The following ATXN1 variants were observed in gnomAD, a reference collection of about 807,000 sequenced individuals.
The protein encoded by ATXN1 is ataxin-1.
Under a neutral mutation model 56.4 loss-of-function variants are expected in ATXN1, and 8 were observed. The ratio of observed to expected loss-of-function variants is 0.14; its 90% CI spans 0.08 to 0.26. The LOEUF (loss-of-function observed/expected upper bound fraction) is 0.26. ATXN1 is among the 10% of genes least tolerant of loss of function. The pLI is 1.00. For missense variants in ATXN1, 987 were observed against 1,106.5 expected, an observed-to-expected ratio of 0.89 and a Z score of 1.53; for synonymous variants, 514 against 494.6, an observed-to-expected ratio of 1.04 and a Z score of -0.52.
At chr6:16,473,197 A>T (rs1024115432) in intron 6 of ATXN1, among the ~76,000 whole-genome samples, 3 of 152,114 alleles carry the variant, frequency 2.0e-5, no homozygotes, top group African/African-American at 7.2e-5. Context: ...CCTCAATTTT[A>T]CCTATAAAAG....
At chr6:16,344,460 G>T (rs923684474) in intron 6 of ATXN1, among the ~76,000 whole-genome samples, 1 of 152,302 alleles carries the variant, frequency 6.6e-6, no homozygotes, top group East Asian at 1.9e-4. Flanking sequence ...TCAGCTGCCA[G>T]TGAGGCTAGA....
At chr6:16,707,468 C>T (rs984714702) in intron 2 of ATXN1, among the ~76,000 whole-genome samples, 1 of 152,202 alleles carries the variant, frequency 6.6e-6, no homozygotes, top group Admixed American at 6.5e-5. Flanking sequence ...GTCTCCTGGA[C>T]TTCTTCAAGA....
rs1335377767 is a variant in ATXN1, at chr6:16,327,112, G to A, written c.1199C>T (p.Ala400Val). The A allele has an allele frequency of 5.6e-6, 9 of 1,613,568 alleles. No homozygotes were observed. Among genetic ancestry groups the A allele is most frequent in the Non-Finnish European group, 7.6e-6 (9 of 1,180,034 alleles). ...AGAAGGGGAGGCTTCACGATGAGTG[G>A]CCTGTTGCACCTCCAGGTCAGCTGC... ...TPAADLEVQQ[A>V]THREASPSTL... is the part of the protein sequence containing the mutation. The change falls in exon 7 of 8, where the codon GCC (alanine) becomes GTC (valine). Residue 400 changes from alanine (A) to valine (V), a missense_variant. Coordinates refer to ENST00000436367, the MANE Select transcript of ATXN1 (RefSeq NM_001128164.2).
intron 6 of ATXN1, among the ~76,000 whole-genome samples, chr6:16,329,566 C>T (rs931971822): frequency 2.8e-4 from 43 of 152,110 alleles, no homozygotes; most frequent in African/African-American, 8.2e-4. Context: ...AAATACCATA[C>T]AAAAATAGGG....
rs564416310 is a variant in ATXN1 at position 16,699,025 on chromosome 6, C to T, written c.-614-41124G>A. Among the ~76,000 whole-genome samples, 212 of 152,308 alleles carry T rather than the reference C, an allele frequency of 1.4e-3. 1 individual carries two copies. The highest frequency in any genetic ancestry group is 4.9e-3 in the African/African-American group (205 of 41,578). On this transcript the variant is annotated intron_variant, in intron 2 of 7. Coordinates refer to ENST00000436367, the MANE Select transcript of ATXN1 (RefSeq NM_001128164.2). ...ATAAACTTTGTCCAGAAATCAGTAT[C>T]TGCTCTTCCAAAGAAAAATAGCCTT...
chr6:16,560,691 A>G (rs1314643425), intron 4 of ATXN1, among the ~76,000 whole-genome samples: 7 of 152,168 alleles, frequency 4.6e-5, no homozygotes, highest in Non-Finnish European at 8.8e-5. Context: ...AGATTCTTGT[A>G]GCAAATCCCT....
At chr6:16,635,334 A>G (rs1763576634) in intron 3 of ATXN1, among the ~76,000 whole-genome samples, 1 of 152,174 alleles carries the variant, frequency 6.6e-6, no homozygotes, top group Admixed American at 6.5e-5. Context: ...TTACAACATA[A>G]TAATATAAAT....
intron 3 of ATXN1, among the ~76,000 whole-genome samples, chr6:16,597,321 C>A (rs1299221312): frequency 6.6e-6 from 1 of 152,236 alleles, no homozygotes; most frequent in Non-Finnish European, 1.5e-5. Context: ...GTGGACCACA[C>A]CTTTTTCTGC....
chr6:16,729,330 G>C (rs1235328955), intron 2 of ATXN1, among the ~76,000 whole-genome samples: 2 of 152,222 alleles, frequency 1.3e-5, no homozygotes, highest in African/African-American at 4.8e-5. Context: ...TGGACTGAGA[G>C]AGCAAAGAGA....
intron 2 of ATXN1, among the ~76,000 whole-genome samples, chr6:16,689,336 C>G (rs1372645910): frequency 1.3e-5 from 2 of 151,896 alleles, no homozygotes; most frequent in African/African-American, 4.8e-5. Context: ...ACTTTTGAGA[C>G]AGGGTATCAC....
intron 6 of ATXN1, among the ~76,000 whole-genome samples, chr6:16,384,620 T>C (rs1224955529): frequency 6.6e-6 from 1 of 152,232 alleles, no homozygotes; most frequent in East Asian, 1.9e-4. Flanking sequence ...TGGTGGGAGA[T>C]GACTGGATCA....
At chr6:16,462,165 T>C (rs1313081082) in intron 6 of ATXN1, among the ~76,000 whole-genome samples, 1 of 152,200 alleles carries the variant, frequency 6.6e-6, no homozygotes. Flanking sequence ...TCCTCATCTA[T>C]GGATTCCTTG....
In ATXN1 at chr6:16,375,433, C is replaced by T. The variant is rs9396667; in HGVS notation, c.-160-46963G>A. On this transcript the variant is annotated intron_variant, in intron 6 of 7. Coordinates refer to ENST00000436367, the MANE Select transcript of ATXN1 (RefSeq NM_001128164.2). ...CTGCAATTCCTTTATCCACTACATGCTAACACCCATCCTGAGCCCAGCGAA... is the reference window on the plus strand; with the variant it reads ...CTGCAATTCCTTTATCCACTACATGTTAACACCCATCCTGAGCCCAGCGAA... Among the ~76,000 whole-genome samples the T allele has an allele frequency of 8.0e-4, 122 of 152,340 alleles. 1 individual carries two copies. The East Asian group carries it at 0.022, about 27-fold the overall frequency.
chr6:16,582,893 A>T (rs1762554433), intron 4 of ATXN1, among the ~76,000 whole-genome samples: 1 of 152,174 alleles, frequency 6.6e-6, no homozygotes, highest in African/African-American at 2.4e-5. Flanking sequence ...TGGTAGTGTT[A>T]TTACCATTCC....
chr6:16,713,538 A>G (rs1437045087), intron 2 of ATXN1, among the ~76,000 whole-genome samples: 1 of 152,232 alleles, frequency 6.6e-6, no homozygotes, highest in Non-Finnish European at 1.5e-5. Flanking sequence ...CAAATATTCC[A>G]GACAGGGAAA....
chr6:16,354,559 T>C (rs1168451274), intron 6 of ATXN1, among the ~76,000 whole-genome samples: 1 of 152,172 alleles, frequency 6.6e-6, no homozygotes, highest in Admixed American at 6.5e-5. Flanking sequence ...CCCTTCTATT[T>C]TATAAAGCTG....
At chr6:16,606,001 G>A (rs915021806) in intron 3 of ATXN1, among the ~76,000 whole-genome samples, 4 of 151,958 alleles carry the variant, frequency 2.6e-5, no homozygotes, top group Admixed American at 6.6e-5. Flanking sequence ...GTGGTGGCAC[G>A]TACATATAGT....
intron 3 of ATXN1, among the ~76,000 whole-genome samples, chr6:16,650,309 C>T (rs894578055): frequency 2.6e-5 from 4 of 152,104 alleles, no homozygotes; most frequent in Admixed American, 6.5e-5. Flanking sequence ...TCCTAGGGGC[C>T]TTAGAGGCCA....
At chr6:16,705,202 T>C (rs1759380974) in intron 2 of ATXN1, among the ~76,000 whole-genome samples, 1 of 152,152 alleles carries the variant, frequency 6.6e-6, no homozygotes, top group Non-Finnish European at 1.5e-5. Context: ...AGCAAAGAAA[T>C]TAATGATACA....
Sources: allele counts gnomAD v4.1 joint callset (sites outside exome capture counted in the v4.1 genomes callset), GRCh38; gene constraint gnomAD v4.1.1; transcripts MANE v1.5; gene names NCBI Gene and HGNC (gene_info 2026-07-23, HGNC 2026-07-21).